Variants in AKAIN1 observed in about 807,000 individuals in gnomAD.
AKAIN1 encodes the protein A-kinase anchor protein inhibitor 1.
In AKAIN1, 3 loss-of-function variants were observed where a neutral mutation model predicts 3.7. The observed-to-expected ratio is 0.82, with a 90% CI of 0.37 to 2.12. The LOEUF is 2.12. Among genes scored for constraint, AKAIN1 ranks in the 30% most tolerant of loss-of-function variants. The pLI is 0.06. For synonymous variants in AKAIN1, 31 were observed against 30.8 expected, an observed-to-expected ratio of 1.01 and a Z score of -0.02; for missense variants, 82 against 82.7, an observed-to-expected ratio of 0.99 and a Z score of 0.03.
At chr18:5,197,472 G>A (rs1842189760), upstream of AKAIN1, 2 of 1,064,214 alleles carry the variant, frequency 1.9e-6, no homozygotes, top group African/African-American at 1.7e-5. The surrounding 1 kb of genome is among the most constrained non-coding windows in gnomAD (Gnocchi z 6.9). Flanking sequence ...TCGTCGCCGT[G>A]GATATTGGAC....
At chr18:5,153,517 C>T (rs955607345) in intron 1 of AKAIN1, among the ~76,000 whole-genome samples, 9 of 152,136 alleles carry the variant, frequency 5.9e-5, no homozygotes, top group African/African-American at 1.9e-4. Flanking sequence ...GAAAACATGA[C>T]ACTGTTGTAT....
intron 1 of AKAIN1, among the ~76,000 whole-genome samples, chr18:5,186,005 A>G (rs2071285208): frequency 6.6e-6 from 1 of 152,198 alleles, no homozygotes; most frequent in Non-Finnish European, 1.5e-5. Flanking sequence ...ACCATAAAAA[A>G]GAATGTCATC....
chr18:5,166,756 G>T (rs292323), intron 1 of AKAIN1, among the ~76,000 whole-genome samples: 87,741 of 151,896 alleles, frequency 0.58, 25,698 homozygotes, highest in African/African-American at 0.66. Context: ...CATAATTTAA[G>T]GTTGCAAGAA....
chr18:5,192,691 C>T (rs1422918844), intron 1 of AKAIN1, among the ~76,000 whole-genome samples: 1 of 151,846 alleles, frequency 6.6e-6, no homozygotes, highest in East Asian at 1.9e-4. Context: ...GAAGCACTCC[C>T]AGTGGTCTAA....
At chr18:5,197,265 C>G, upstream of AKAIN1, 2 of 1,375,028 alleles carry the variant, frequency 1.5e-6, no homozygotes, top group Non-Finnish European at 1.9e-6. This position sits in a 1 kb window ranked among gnomAD's most constrained non-coding sequence, Gnocchi z 6.9. Context: ...AATGCGGCCA[C>G]AGCGGCGGCG....
chr18:5,184,966 C>T (rs1297658996), intron 1 of AKAIN1, among the ~76,000 whole-genome samples: 1 of 151,948 alleles, frequency 6.6e-6, no homozygotes, highest in Non-Finnish European at 1.5e-5. Context: ...TGCAAATAAC[C>T]AAAGCAGCAT....
At chr18:5,171,997 T>A (rs1171305845) in intron 1 of AKAIN1, among the ~76,000 whole-genome samples, 2 of 152,056 alleles carry the variant, frequency 1.3e-5, no homozygotes, top group Non-Finnish European at 2.9e-5. Context: ...CATAATGGAG[T>A]ACTATTCAGC....
At chr18:5,168,789 T>G (rs1320398628) in intron 1 of AKAIN1, among the ~76,000 whole-genome samples, 1 of 150,126 alleles carries the variant, frequency 6.7e-6, no homozygotes, top group Non-Finnish European at 1.5e-5. Flanking sequence ...GTGGTCATAA[T>G]ATAATAATAA....
At chr18:5,188,870 G>A (rs1473603438) in intron 1 of AKAIN1, among the ~76,000 whole-genome samples, 1 of 152,122 alleles carries the variant, frequency 6.6e-6, no homozygotes, top group African/African-American at 2.4e-5. Flanking sequence ...GTTAATAAAG[G>A]CTTGCCTGAA....
At chr18:5,193,369 G>A (rs1476308049) in intron 1 of AKAIN1, among the ~76,000 whole-genome samples, 1 of 152,060 alleles carries the variant, frequency 6.6e-6, no homozygotes, top group Non-Finnish European at 1.5e-5. Flanking sequence ...TATATATTAG[G>A]CCTATCCACA....
intron 1 of AKAIN1, among the ~76,000 whole-genome samples, chr18:5,171,982 A>G (rs912730567): frequency 5.9e-5 from 9 of 152,184 alleles, no homozygotes; most frequent in Admixed American, 1.3e-4. Context: ...AATGTGGTAC[A>G]CATACATAAT....
chr18:5,167,802 C>T (rs555953441), intron 1 of AKAIN1, among the ~76,000 whole-genome samples: 2 of 152,182 alleles, frequency 1.3e-5, no homozygotes, highest in East Asian at 3.9e-4. Flanking sequence ...ACCAGCAGTG[C>T]TCTATGCCAT....
chr18:5,156,510 A>G (rs997431394), intron 1 of AKAIN1, among the ~76,000 whole-genome samples: 1 of 151,994 alleles, frequency 6.6e-6, no homozygotes, highest in Non-Finnish European at 1.5e-5. Flanking sequence ...AATCCTTTCT[A>G]CTCTCCTTGA....
At chr18:5,188,095 A>G (rs1598316663) in intron 1 of AKAIN1, among the ~76,000 whole-genome samples, 1 of 152,122 alleles carries the variant, frequency 6.6e-6, no homozygotes, top group African/African-American at 2.4e-5. Context: ...AAGCCAAAGA[A>G]TAATATTCTT....
intron 1 of AKAIN1, among the ~76,000 whole-genome samples, chr18:5,168,649 C>A (rs1202383326): frequency 1.3e-5 from 2 of 151,932 alleles, no homozygotes; most frequent in Non-Finnish European, 2.9e-5. Context: ...GATCCTGCCA[C>A]CAAATCTTGA....
chr18:5,174,558 T>C (rs292329), intron 1 of AKAIN1, among the ~76,000 whole-genome samples: 7,613 of 152,084 alleles, frequency 0.05, 489 homozygotes, highest in African/African-American at 0.14. Context: ...CTGGCCAACA[T>C]GGCAAAACCC....
intron 1 of AKAIN1, among the ~76,000 whole-genome samples, chr18:5,147,230 A>G (rs963349946): frequency 1.3e-5 from 2 of 152,220 alleles, no homozygotes; most frequent in Non-Finnish European, 2.9e-5. Flanking sequence ...TTGGTATCCA[A>G]TGACCAAGAA....
chr18:5,193,550 G>A (rs1392767490), intron 1 of AKAIN1, among the ~76,000 whole-genome samples: 1 of 152,110 alleles, frequency 6.6e-6, no homozygotes, highest in Non-Finnish European at 1.5e-5. Context: ...TCAGAGTCTG[G>A]AATTCTTTGG....
At chr18:5,195,148 G>GA (rs5822849) in intron 1 of AKAIN1, among the ~76,000 whole-genome samples, 87,722 of 150,246 alleles carry the variant, frequency 0.58, 25,711 homozygotes, top group South Asian at 0.65. Context: ...AAGAAGTGAT[G>GA]AAAAAAAAAG....
Sources: allele counts gnomAD v4.1 joint callset (sites outside exome capture counted in the v4.1 genomes callset), GRCh38; gene constraint gnomAD v4.1.1; non-coding constraint Gnocchi (gnomAD v3.1); transcripts MANE v1.5; gene names NCBI Gene and HGNC (gene_info 2026-07-23, HGNC 2026-07-21).